KCNH7: variants seen among roughly 807,000 people sequenced by gnomAD.
The protein encoded by KCNH7 is voltage-gated inwardly rectifying potassium channel KCNH7.
A neutral mutation model predicts 120.8 loss-of-function variants in KCNH7; 49 were observed. That is an observed-to-expected ratio of 0.41 (90% CI 0.32 to 0.51). KCNH7 has a LOEUF of 0.51. Ranked by LOEUF, KCNH7 falls within the 20% of genes least tolerant of loss-of-function variation. The pLI, the probability that KCNH7 is intolerant of heterozygous loss-of-function variation, is 0.38. For missense variants in KCNH7, 1,097 were observed against 1,446.6 expected (o/e 0.76, Z 3.92); for synonymous variants, 547 against 516.1 (o/e 1.06, Z -0.81).
At chr2:162,607,327 T>G (rs1440349022) in intron 2 of KCNH7, among the ~76,000 whole-genome samples, 2 of 151,896 alleles carry the variant, frequency 1.3e-5, no homozygotes, top group Non-Finnish European at 2.9e-5. Flanking sequence ...CAGGTGGAAG[T>G]TGCAGTGAGC....
intron 2 of KCNH7, among the ~76,000 whole-genome samples, chr2:162,585,581 G>C (rs974272086): frequency 6.6e-6 from 1 of 151,448 alleles, no homozygotes; most frequent in East Asian, 1.9e-4. Context: ...TTAATCTTCT[G>C]ATAATGATTG....
intron 6 of KCNH7, among the ~76,000 whole-genome samples, chr2:162,464,798 C>T (rs13387976): frequency 0.074 from 11,207 of 151,952 alleles, 1,313 homozygotes; most frequent in African/African-American, 0.25. Flanking sequence ...CTAATTTTAC[C>T]TTACTGATAA....
intron 2 of KCNH7, among the ~76,000 whole-genome samples, chr2:162,556,838 A>G (rs924395799): frequency 1.3e-5 from 2 of 152,236 alleles, no homozygotes; most frequent in Non-Finnish European, 2.9e-5. Context: ...AGAATTTTAA[A>G]ACCACACAGC....
intron 3 of KCNH7, among the ~76,000 whole-genome samples, chr2:162,535,043 C>T (rs1332074095): frequency 6.6e-6 from 1 of 151,716 alleles, no homozygotes; most frequent in African/African-American, 2.4e-5. Context: ...TTACAAATTT[C>T]AGCACCCATT....
chr2:162,542,569 A>C (rs183822585), intron 2 of KCNH7, among the ~76,000 whole-genome samples: 1,842 of 151,990 alleles, frequency 0.012, 35 homozygotes, highest in African/African-American at 0.04. Context: ...GTCCCTACAA[A>C]GGACATGGAC....
intron 3 of KCNH7, among the ~76,000 whole-genome samples, chr2:162,533,870 C>CTTT (rs200442592): frequency 6.6e-6 from 1 of 151,184 alleles, no homozygotes; most frequent in African/African-American, 2.4e-5. Flanking sequence ...TGTAATATCA[C>CTTT]TTTTTTTTCA....
chr2:162,559,731 T>A (rs1308884516), intron 2 of KCNH7, among the ~76,000 whole-genome samples: 3 of 152,130 alleles, frequency 2.0e-5, no homozygotes, highest in Non-Finnish European at 4.4e-5. Flanking sequence ...CTCACATTGA[T>A]GGGGTAAGGT....
chr2:162,569,835 T>C (rs4536662), intron 2 of KCNH7, among the ~76,000 whole-genome samples: 55,847 of 106,110 alleles, frequency 0.53, 15,770 homozygotes, highest in African/African-American at 0.71. Context: ...TGTAGTTGAG[T>C]GGTTTTGAGT....
chr2:162,404,595 C>T (rs1687153784), intron 9 of KCNH7, among the ~76,000 whole-genome samples: 1 of 151,922 alleles, frequency 6.6e-6, no homozygotes, highest in South Asian at 2.1e-4. Flanking sequence ...CACTCTCTCT[C>T]TTGCTCCTGC....
At chr2:162,442,043 G>A (rs1438920835) in intron 7 of KCNH7, among the ~76,000 whole-genome samples, 6 of 73,622 alleles carry the variant, frequency 8.1e-5, no homozygotes, top group Non-Finnish European at 1.4e-4. Flanking sequence ...TTGAGATGGA[G>A]TCTCGCTCTT....
At chr2:162,639,616 C>G (rs1684078526) in intron 2 of KCNH7, among the ~76,000 whole-genome samples, 1 of 152,028 alleles carries the variant, frequency 6.6e-6, no homozygotes, top group Non-Finnish European at 1.5e-5. Context: ...GACAAAATTA[C>G]AATATCAGAG....
chr2:162,665,463 T>C (rs948572539), intron 2 of KCNH7, among the ~76,000 whole-genome samples: 1 of 152,160 alleles, frequency 6.6e-6, no homozygotes, highest in Non-Finnish European at 1.5e-5. Flanking sequence ...ATATTTTTTA[T>C]GTATTTTGAT....
Position 162,829,530 on chromosome 2 carries a change from A to G in KCNH7, c.307+7007T>C, listed in dbSNP as rs142684379. The stretch of plus-strand genomic sequence containing the variant: ...ACAGAAGAAAACTCTGGTTTGGGCT[A>G]TTAGAGATTGTTGGAGACACTGGTA... On this transcript the variant is annotated intron_variant, in intron 2 of 15. Coordinates refer to ENST00000332142, the MANE Select transcript of KCNH7 (RefSeq NM_033272.4). Among the ~76,000 whole-genome samples the G allele has an allele frequency of 1.5e-3, 230 of 152,282 alleles. 1 individual carries two copies. The highest frequency in any genetic ancestry group is 5.4e-3 in the African/African-American group (223 of 41,586).
At chr2:162,619,287 T>C (rs1372819777) in intron 2 of KCNH7, among the ~76,000 whole-genome samples, 2 of 151,924 alleles carry the variant, frequency 1.3e-5, no homozygotes, top group Non-Finnish European at 2.9e-5. Flanking sequence ...GAGAGGTGAG[T>C]ACAAGATCAG....
At chr2:162,512,321 C>T (rs1170641009) in intron 5 of KCNH7, among the ~76,000 whole-genome samples, 3 of 151,576 alleles carry the variant, frequency 2.0e-5, no homozygotes, top group African/African-American at 7.3e-5. Context: ...TTTTGTTTTC[C>T]TGAAATAGGC....
At chr2:162,576,689 G>A (rs1026880548) in intron 2 of KCNH7, among the ~76,000 whole-genome samples, 4 of 151,726 alleles carry the variant, frequency 2.6e-5, no homozygotes, top group South Asian at 4.1e-4. Flanking sequence ...AGGGTACAAC[G>A]AAAACAAGTG....
At chr2:162,801,454 G>A (rs776686617) in intron 2 of KCNH7, among the ~76,000 whole-genome samples, 26 of 151,690 alleles carry the variant, frequency 1.7e-4, no homozygotes, top group Admixed American at 3.9e-4. Context: ...ACCATTTTTG[G>A]AAGTAATTTC....
chr2:162,604,346 A>G (rs530340452), intron 2 of KCNH7, among the ~76,000 whole-genome samples: 1 of 152,042 alleles, frequency 6.6e-6, no homozygotes, highest in Non-Finnish European at 1.5e-5. Flanking sequence ...ATTGTTGAGG[A>G]GTTCTAAAAT....
intron 2 of KCNH7, among the ~76,000 whole-genome samples, chr2:162,538,235 A>AT (rs1692178115): frequency 6.6e-6 from 1 of 151,984 alleles, no homozygotes; most frequent in Non-Finnish European, 1.5e-5. Flanking sequence ...ACTTATTATT[A>AT]TTTTTTTAGC....
Sources: allele counts gnomAD v4.1 joint callset (sites outside exome capture counted in the v4.1 genomes callset), GRCh38; gene constraint gnomAD v4.1.1; transcripts MANE v1.5; gene names NCBI Gene and HGNC (gene_info 2026-07-23, HGNC 2026-07-21).